XNDC1N: variants seen among roughly 807,000 people sequenced by gnomAD.
The protein encoded by XNDC1N is XRCC1 N-terminal domain containing 1, N-terminal like, also known as protein XNDC1N.
At chr11:71,887,245 G>C in the XNDC1N span, among the ~76,000 whole-genome samples, 1 of 152,168 alleles carries the variant, frequency 6.6e-6, no homozygotes, top group East Asian at 1.9e-4. Context: ...AGCCACGGGG[G>C]TTTCAGCAAA....
chr11:71,884,853 A>G, the XNDC1N span, among the ~76,000 whole-genome samples: 3 of 147,730 alleles, frequency 2.0e-5, no homozygotes, highest in Non-Finnish European at 4.5e-5. Flanking sequence ...TAGAACCCCT[A>G]TCGCAGGGGG....
chr11:71,899,854 G>C, the XNDC1N span, among the ~76,000 whole-genome samples: 3 of 152,208 alleles, frequency 2.0e-5, no homozygotes, highest in Non-Finnish European at 2.9e-5. Context: ...TCTTGCAGTT[G>C]AGAGAGAGGA....
chr11:71,915,000 G>A, the XNDC1N span, among the ~76,000 whole-genome samples: 4 of 152,202 alleles, frequency 2.6e-5, no homozygotes, highest in Non-Finnish European at 5.9e-5. Flanking sequence ...ACATGCTACA[G>A]AGAACTCTTT....
the XNDC1N span, among the ~76,000 whole-genome samples, chr11:71,913,490 C>T: frequency 1.1e-4 from 17 of 151,914 alleles, no homozygotes; most frequent in African/African-American, 4.1e-4. Flanking sequence ...AAAACCCCAT[C>T]TCTACTACTA....
the XNDC1N span, chr11:71,917,544 C>T: frequency 1.4e-6 from 1 of 703,714 alleles, no homozygotes; most frequent in Middle Eastern, 2.3e-4. Flanking sequence ...CCTAATAGCA[C>T]TCACAGTCCT....
the XNDC1N span, chr11:71,917,046 T>C: frequency 1.9e-5 from 4 of 208,412 alleles, no homozygotes; most frequent in Non-Finnish European, 3.8e-5. Context: ...AGAGTTTCAC[T>C]CTTGTCACCC....
chr11:71,872,427 C>A, the XNDC1N span, among the ~76,000 whole-genome samples: 3 of 152,100 alleles, frequency 2.0e-5, no homozygotes, highest in Admixed American at 2.0e-4. Context: ...TGAGTAATCA[C>A]CTAGCTCAAT....
the XNDC1N span, among the ~76,000 whole-genome samples, chr11:71,888,845 G>A: frequency 2.6e-4 from 40 of 152,210 alleles, 1 homozygote; most frequent in Admixed American, 2.1e-3. Flanking sequence ...AACCATTGAA[G>A]TTTGTAACAC....
chr11:71,928,401 G>A, the XNDC1N span: 3 of 690,556 alleles, frequency 4.3e-6, no homozygotes, highest in East Asian at 8.1e-5. Flanking sequence ...CCGTTGCCTC[G>A]GATCTCGGAC....
At chr11:71,888,863 C>A in the XNDC1N span, among the ~76,000 whole-genome samples, 1 of 152,236 alleles carries the variant, frequency 6.6e-6, no homozygotes, top group African/African-American at 2.4e-5. Flanking sequence ...CACCCTCCAC[C>A]CCGCCACCTT....
chr11:71,908,857 G>A, the XNDC1N span, among the ~76,000 whole-genome samples: 2 of 152,166 alleles, frequency 1.3e-5, no homozygotes, highest in African/African-American at 4.8e-5. Context: ...GAGTATGGAA[G>A]GGCCCAGTTG....
At chr11:71,902,550 T>C in the XNDC1N span, among the ~76,000 whole-genome samples, 1 of 152,226 alleles carries the variant, frequency 6.6e-6, no homozygotes, top group East Asian at 1.9e-4. Context: ...AGAGCTTCCA[T>C]GAATTTTAAA....
At chr11:71,872,775 A>G in the XNDC1N span, among the ~76,000 whole-genome samples, 1 of 152,188 alleles carries the variant, frequency 6.6e-6, no homozygotes, top group Non-Finnish European at 1.5e-5. Context: ...TCAGGATTGT[A>G]CATAAAATCT....
At chr11:71,910,691 C>G in the XNDC1N span, among the ~76,000 whole-genome samples, 5 of 152,302 alleles carry the variant, frequency 3.3e-5, no homozygotes, top group East Asian at 5.8e-4. Context: ...GATTTACTAT[C>G]CAACAGGGGT....
chr11:71,919,325 T>G, the XNDC1N span, among the ~76,000 whole-genome samples: 1 of 151,990 alleles, frequency 6.6e-6, no homozygotes, highest in Non-Finnish European at 1.5e-5. Flanking sequence ...TTCAGAAACT[T>G]ACTGAAGGCC....
At chr11:71,888,148 C>G in the XNDC1N span, among the ~76,000 whole-genome samples, 1 of 152,124 alleles carries the variant, frequency 6.6e-6, no homozygotes, top group Non-Finnish European at 1.5e-5. Flanking sequence ...ATGCCCTACA[C>G]CGGCACCTGG....
the XNDC1N span, among the ~76,000 whole-genome samples, chr11:71,899,328 C>T: frequency 2.6e-5 from 4 of 152,110 alleles, no homozygotes; most frequent in Admixed American, 6.6e-5. Flanking sequence ...ACCTGTTCTC[C>T]GTGGTCATGG....
chr11:71,905,257 C>T, the XNDC1N span, among the ~76,000 whole-genome samples: 8 of 151,958 alleles, frequency 5.3e-5, no homozygotes, highest in African/African-American at 1.5e-4. Flanking sequence ...AGTAACATCC[C>T]TTTTGGATAT....
chr11:71,912,433 A>G, the XNDC1N span, among the ~76,000 whole-genome samples: 2 of 152,234 alleles, frequency 1.3e-5, no homozygotes, highest in African/African-American at 4.8e-5. Flanking sequence ...GGATACTGGG[A>G]AAGATACCAC....
Sources: gnomAD v4.1 joint callset for allele counts (sites outside exome capture counted in the v4.1 genomes callset) on GRCh38, gnomAD v4.1.1 for gene constraint, MANE v1.5 for transcripts, NCBI Gene and HGNC (gene_info 2026-07-23, HGNC 2026-07-21) for gene names.